The following AMBRA1 variants were observed in gnomAD, a reference collection of about 807,000 sequenced individuals.
AMBRA1 encodes activating molecule in BECN1-regulated autophagy protein 1.
In AMBRA1, 47 loss-of-function variants were observed where a neutral mutation model predicts 125.4. The observed-to-expected ratio is 0.37, with a 90% CI of 0.30 to 0.48. The LOEUF (loss-of-function observed/expected upper bound fraction) is 0.48. AMBRA1 is among the 20% of genes least tolerant of loss of function. AMBRA1 has a pLI of 0.99. For synonymous variants in AMBRA1, 626 were observed against 655.5 expected, an observed-to-expected ratio of 0.95 and a Z score of 0.69; for missense variants, 1,331 against 1,693.4, an observed-to-expected ratio of 0.79 and a Z score of 3.76.
chr11:46,543,010 G>C lies in AMBRA1; in HGVS notation c.1007C>G (p.Ala336Gly), dbSNP rs1037235902. Reference protein sequence around the residue: ...QDSVPPASARATTPSFSFVQT... With the variant: ...QDSVPPASARGTTPSFSFVQT... The stretch of plus-strand genomic sequence containing the variant: ...TACAAAAGAAAAGGAAGGGGTAGTA[G>C]CTCTGGCAGAAGCAGGGGGGACACT... Residue 336 changes from alanine (A) to glycine (G), a missense_variant, in exon 7 of 18, where the codon GCT becomes GGT. Ala to Gly is a moderately conservative substitution (Grantham distance 60). This residue lies in a region of AMBRA1 where 689 missense variants were observed against 776.5 expected (regional missense o/e 0.89). Coordinates refer to ENST00000683756, the MANE Select transcript of AMBRA1 (RefSeq NM_001387011.1). 3 of 1,600,084 alleles carry C rather than the reference G, an allele frequency of 1.9e-6. No individual in the cohort carries two copies. The African/African-American group carries it at 4.0e-5, about 21-fold the overall frequency.
intron 1 of AMBRA1, among the ~76,000 whole-genome samples, chr11:46,585,696 ATATATAT>A (rs1452715818): frequency 2.3e-3 from 37 of 16,100 alleles, no homozygotes; most frequent in African/African-American, 4.3e-3. Flanking sequence ...AAAAAAAAAA[ATATATAT>A]ATATATATAT....
chr11:46,509,474 T>C (rs1278468766), intron 8 of AMBRA1, among the ~76,000 whole-genome samples: 1 of 152,168 alleles, frequency 6.6e-6, no homozygotes, highest in Non-Finnish European at 1.5e-5. Flanking sequence ...CAGAAATACA[T>C]AAGGTTACAA....
In AMBRA1 at chr11:46,527,756, G is replaced by A. The variant is rs549338065; in HGVS notation, c.2072+14189C>T. ...CAAAGCAAAACCACATTTATTTATC[G>A]CCTCACACCTGTTAGGATGACCACT... On this transcript the variant is annotated intron_variant, in intron 7 of 17. Coordinates refer to ENST00000683756, the MANE Select transcript of AMBRA1 (RefSeq NM_001387011.1). 4.0e-5 allele frequency among the ~76,000 whole-genome samples: 6 copies of A among 151,742 alleles called. No homozygotes were observed. In the East Asian group the frequency reaches 5.8e-4, roughly 15 times the overall value.
chr11:46,434,224 C>A (rs766764696), intron 13 of AMBRA1, among the ~76,000 whole-genome samples: 3 of 151,690 alleles, frequency 2.0e-5, no homozygotes, highest in African/African-American at 7.3e-5. Context: ...TTGAAACCCA[C>A]CTTTTTCATT....
chr11:46,493,472 T>A lies in AMBRA1; in HGVS notation c.2521+136A>T, dbSNP rs575735123. On this transcript the variant is annotated intron_variant, in intron 11 of 17. Transcript: ENST00000683756. ...CTGCCTTCAAGTAAGGAACTGAATA[T>A]CAAACCAGGACCCCAAAATAGAATT... 4 of 678,176 alleles carry A rather than the reference T, an allele frequency of 5.9e-6. No individual in the cohort carries two copies. In the South Asian group the frequency reaches 8.0e-5, roughly 14 times the overall value. 42.0% of individuals were successfully genotyped at this position (678,176 alleles called of 1,614,324 possible).
chr11:46,407,185 CAGAGTGAGA>C (rs1946065663), intron 17 of AMBRA1, among the ~76,000 whole-genome samples: 1 of 152,068 alleles, frequency 6.6e-6, no homozygotes, highest in Non-Finnish European at 1.5e-5. Flanking sequence ...GCTTAGGTGA[CAGAGTGAGA>C]CTCTGTCTCA....
intron 1 of AMBRA1, among the ~76,000 whole-genome samples, chr11:46,556,477 G>A (rs907939649): frequency 1.4e-4 from 21 of 152,182 alleles, no homozygotes; most frequent in African/African-American, 4.8e-4. Flanking sequence ...GTGTGCAAAA[G>A]ATATCCAAGG....
At chr11:46,572,710 T>C (rs2043807433) in intron 1 of AMBRA1, among the ~76,000 whole-genome samples, 1 of 152,142 alleles carries the variant, frequency 6.6e-6, no homozygotes, top group Non-Finnish European at 1.5e-5. Flanking sequence ...AACCAGGCAC[T>C]TTACATGTTA....
At chr11:46,408,354 C>T (rs977418675) in intron 17 of AMBRA1, among the ~76,000 whole-genome samples, 159 bp downstream of exon 17, 1 of 152,160 alleles carries the variant, frequency 6.6e-6, no homozygotes, top group East Asian at 1.9e-4. Flanking sequence ...GCAAGAGTGA[C>T]CCAGCTCAGG....
intron 7 of AMBRA1, among the ~76,000 whole-genome samples, chr11:46,526,356 C>T (rs748144828): frequency 6.6e-6 from 1 of 151,910 alleles, no homozygotes; most frequent in Non-Finnish European, 1.5e-5. Context: ...ATCTAGACTG[C>T]TCTATCACTA....
chr11:46,454,128 A>C (rs1369593741), intron 11 of AMBRA1, among the ~76,000 whole-genome samples: 1 of 152,180 alleles, frequency 6.6e-6, no homozygotes, highest in Non-Finnish European at 1.5e-5. Context: ...AGAGTTCAAC[A>C]AGAAAAGTAG....
At chr11:46,506,217 C>T (rs1364119413) in intron 9 of AMBRA1, among the ~76,000 whole-genome samples, 1 of 152,188 alleles carries the variant, frequency 6.6e-6, no homozygotes, top group Admixed American at 6.5e-5. Flanking sequence ...AAGGAACAAG[C>T]TGACAGTCAG....
chr11:46,415,635 G>A (rs148023039), intron 15 of AMBRA1, among the ~76,000 whole-genome samples: 76 of 152,308 alleles, frequency 5.0e-4, no homozygotes, highest in African/African-American at 1.6e-3. Flanking sequence ...CCTAAGGCTT[G>A]AGGCATTTGC....
At chr11:46,470,043 G>GTGTA (rs1182705969) in intron 11 of AMBRA1, among the ~76,000 whole-genome samples, 1 of 152,042 alleles carries the variant, frequency 6.6e-6, no homozygotes, top group Non-Finnish European at 1.5e-5. Context: ...ACTAAGCATT[G>GTGTA]TGTAGCAAGA....
chr11:46,421,068 A>T (rs1946827896), intron 14 of AMBRA1, among the ~76,000 whole-genome samples: 1 of 152,244 alleles, frequency 6.6e-6, no homozygotes, highest in Non-Finnish European at 1.5e-5. Flanking sequence ...TAACAGGCAA[A>T]TATTATCTAT....
At chr11:46,545,898 C>A (rs1952992634) in intron 4 of AMBRA1, 122 bp from the exon 5 acceptor site, 1 of 849,360 alleles carries the variant, frequency 1.2e-6, no homozygotes, top group Non-Finnish European at 1.8e-6. Context: ...TTAAATACAT[C>A]CTCTGTAAAA....
At chr11:46,415,217 G>C (rs1406961624) in intron 15 of AMBRA1, among the ~76,000 whole-genome samples, 2 of 152,166 alleles carry the variant, frequency 1.3e-5, no homozygotes. Context: ...ATTTGAGACT[G>C]GAGACCACTC....
intron 1 of AMBRA1, among the ~76,000 whole-genome samples, chr11:46,564,945 TAG>T (rs763675092): frequency 6.6e-6 from 1 of 152,168 alleles, no homozygotes; most frequent in Non-Finnish European, 1.5e-5. Flanking sequence ...ACCAAGAATG[TAG>T]AGTGTGAGTA....
At chr11:46,583,781 A>C (rs1412603747) in intron 1 of AMBRA1, among the ~76,000 whole-genome samples, 1 of 151,668 alleles carries the variant, frequency 6.6e-6, no homozygotes, top group Non-Finnish European at 1.5e-5. Flanking sequence ...AATGCTCACC[A>C]TCACTGGCCA....
Sources: gnomAD v4.1 joint callset for allele counts (sites outside exome capture counted in the v4.1 genomes callset) on GRCh38, gnomAD v4.1.1 for gene constraint, gnomAD v4.1.1 regional missense constraint, MANE v1.5 for transcripts, NCBI Gene and HGNC (gene_info 2026-07-23, HGNC 2026-07-21) for gene names.